PAK2: variants seen among roughly 807,000 people sequenced by gnomAD.
PAK2 encodes p21 (RAC1) activated kinase 2, also known as serine/threonine-protein kinase PAK 2.
Under a neutral mutation model 65.9 loss-of-function variants are expected in PAK2, and 21 were observed. That is an observed-to-expected ratio of 0.32 (90% CI 0.23 to 0.46). PAK2 has a LOEUF of 0.46. Among genes scored for constraint, PAK2 ranks in the 20% least tolerant of loss-of-function variants. PAK2 has a pLI of 1.00. For missense variants in PAK2, 324 were observed against 642.6 expected, an observed-to-expected ratio of 0.50 and a Z score of 5.36; for synonymous variants, 204 against 219.7, an observed-to-expected ratio of 0.93 and a Z score of 0.63.
At chr3:196,805,106 C>T (rs1337157403) in intron 4 of PAK2, among the ~76,000 whole-genome samples, 1 of 151,962 alleles carries the variant, frequency 6.6e-6, no homozygotes, top group Non-Finnish European at 1.5e-5. Flanking sequence ...CAATACAATT[C>T]ACCCATTTTA....
At chr3:196,771,080 G>A (rs1714345762) in intron 1 of PAK2, among the ~76,000 whole-genome samples, 1 of 151,534 alleles carries the variant, frequency 6.6e-6, no homozygotes, top group South Asian at 2.1e-4. Flanking sequence ...AAACTTAATT[G>A]ACTTTAAGAG....
intron 7 of PAK2, among the ~76,000 whole-genome samples, chr3:196,810,073 CAGAA>C (rs1168691945): frequency 6.6e-6 from 1 of 151,840 alleles, no homozygotes; most frequent in Non-Finnish European, 1.5e-5. Context: ...CTGGAAGAGT[CAGAA>C]AGACCATTTA....
At chr3:196,750,903 T>A (rs1713557387) in intron 1 of PAK2, among the ~76,000 whole-genome samples, 1 of 152,190 alleles carries the variant, frequency 6.6e-6, no homozygotes. Flanking sequence ...AATTACCATC[T>A]TAAACGTTCT....
chr3:196,812,690 C>T, intron 9 of PAK2, 49 bp from the exon 10 acceptor site: 1 of 837,814 alleles, frequency 1.2e-6, no homozygotes, highest in South Asian at 1.5e-5. Context: ...TTGTAATTTT[C>T]TAAGAGAATT....
At chr3:196,743,844 T>G (rs916305218) in intron 1 of PAK2, among the ~76,000 whole-genome samples, 1 of 152,200 alleles carries the variant, frequency 6.6e-6, no homozygotes, top group African/African-American at 2.4e-5. Flanking sequence ...ATTGCGCCAC[T>G]GCACTTCAGC....
At chr3:196,771,616 A>G (rs999761728) in intron 1 of PAK2, among the ~76,000 whole-genome samples, 2 of 151,948 alleles carry the variant, frequency 1.3e-5, no homozygotes, top group South Asian at 2.1e-4. Context: ...CTGGAGTACA[A>G]TGGTGCAGTC....
Position 196,780,699 on chromosome 3 carries a change from C to T in PAK2, c.-21-1927C>T, listed in dbSNP as rs141090479. Among the ~76,000 whole-genome samples the T allele has an allele frequency of 4.6e-3, 705 of 151,938 alleles. 10 individuals are homozygous for T. Among genetic ancestry groups the T allele is most frequent in the African/African-American group, 0.016 (649 of 41,408 alleles). ...AATGAAAAAATAATCATTTTGAGAGCGAAAATATACCATAGTGCTAGTGAC... is the reference window on the plus strand; with the variant it reads ...AATGAAAAAATAATCATTTTGAGAGTGAAAATATACCATAGTGCTAGTGAC... On this transcript the variant is annotated intron_variant, in intron 1 of 14. Transcript: ENST00000327134.
intron 11 of PAK2, among the ~76,000 whole-genome samples, chr3:196,814,967 C>G (rs1319016892): frequency 6.6e-6 from 1 of 150,964 alleles, no homozygotes; most frequent in Non-Finnish European, 1.5e-5. Flanking sequence ...ATCACAAGGT[C>G]AGGAGATCGA....
At chr3:196,809,343 A>T in intron 7 of PAK2, among the ~76,000 whole-genome samples, 1 of 116,442 alleles carries the variant, frequency 8.6e-6, no homozygotes, top group Admixed American at 1.2e-4. Flanking sequence ...TGTTATTATT[A>T]TTATCTTTTT....
chr3:196,789,332 T>TC (rs1714992333), intron 2 of PAK2, among the ~76,000 whole-genome samples: 1 of 152,182 alleles, frequency 6.6e-6, no homozygotes. Flanking sequence ...TGGTTATGAC[T>TC]TAGATCTGTA....
At chr3:196,740,594 CA>C (rs1291753525) in intron 1 of PAK2, among the ~76,000 whole-genome samples, 5 of 152,192 alleles carry the variant, frequency 3.3e-5, no homozygotes, top group African/African-American at 7.2e-5. Context: ...GCTCTCTGTT[CA>C]CCCGTTTCAC....
At chr3:196,796,565 A>C (rs755898265) in intron 2 of PAK2, among the ~76,000 whole-genome samples, 2 of 152,230 alleles carry the variant, frequency 1.3e-5, no homozygotes, top group Non-Finnish European at 2.9e-5. Flanking sequence ...GTACAATTTC[A>C]ACAGGTGAAC....
chr3:196,792,192 A>G (rs1413067047), intron 2 of PAK2, among the ~76,000 whole-genome samples: 1 of 152,208 alleles, frequency 6.6e-6, no homozygotes, highest in African/African-American at 2.4e-5. Context: ...AGTTTCCAAA[A>G]GTAGGATGCT....
At position 196,751,681 on chromosome 3, in the gene PAK2, A is replaced by T. The variant is rs1349414017; in HGVS notation, c.-22+11524A>T. Among the ~76,000 whole-genome samples the T allele has an allele frequency of 2.9e-4, 19 of 65,536 alleles. 3 individuals are homozygous for T. In the South Asian group the frequency reaches 7.5e-3, roughly 26 times the overall value. 43.0% of individuals were successfully genotyped at this position (65,536 alleles called of 152,430 possible). A position where few individuals can be genotyped will look rare whatever the true frequency, so the allele number is the denominator to read the frequency against. On this transcript the variant is annotated intron_variant, in intron 1 of 14. Coordinates refer to ENST00000327134, the MANE Select transcript of PAK2 (RefSeq NM_002577.4). ...CACAAATTTATTTATATACATATAT[A>T]TATATATATATATAATTCAGGCTAT...
chr3:196,827,096 G>T, intron 13 of PAK2, 100 bp from the exon 14 acceptor site: 4 of 646,830 alleles, frequency 6.2e-6, no homozygotes, highest in South Asian at 2.9e-5. Flanking sequence ...TATTTATGGT[G>T]ATTTTCTTTA....
At chr3:196,824,489 C>T (rs1344659120) in intron 13 of PAK2, among the ~76,000 whole-genome samples, 1 of 152,106 alleles carries the variant, frequency 6.6e-6, no homozygotes, top group Non-Finnish European at 1.5e-5. Flanking sequence ...ATGCATATTG[C>T]TTAGTGAAAG....
intron 2 of PAK2, among the ~76,000 whole-genome samples, chr3:196,797,262 C>T (rs576236858): frequency 2.0e-5 from 3 of 151,920 alleles, no homozygotes; most frequent in South Asian, 2.1e-4. Context: ...GTCAGGAGTT[C>T]GAGACCGGCC....
In PAK2 at chr3:196,782,847, C is replaced by G; in HGVS notation, c.187+14C>G. 1 of 1,576,780 alleles carries G rather than the reference C, an allele frequency of 6.3e-7. No homozygotes were observed. The highest frequency in any genetic ancestry group is 1.1e-5 in the South Asian group (1 of 88,034). ...GCACAGAGAAAGGTAAATAGCGCTT[C>G]TGGCTTTCAGAGTCTCAGCATTGGT... On this transcript the variant is annotated intron_variant, in intron 2 of 14. Transcript: ENST00000327134.
chr3:196,832,593 TA>T lies in PAK2; in HGVS notation c.*4189del, dbSNP rs925475620. 6.6e-6 allele frequency: 1 copy of T among 152,172 alleles called. No homozygotes were observed. The highest frequency in any genetic ancestry group is 2.4e-5 in the African/African-American group (1 of 41,470). The allele number at this position is 152,172 out of a possible 1,614,324, so 9.4% of individuals were successfully genotyped here. On this transcript the variant is annotated 3_prime_UTR_variant, in exon 15 of 15. Coordinates refer to ENST00000327134, the MANE Select transcript of PAK2 (RefSeq NM_002577.4). ...ATAAAAGAATATTTAAATGTCTTAA[TA>T]GGTTTTCAAAGAACATTTAGTATTT...
Sources: allele counts gnomAD v4.1 joint callset (sites outside exome capture counted in the v4.1 genomes callset), GRCh38; gene constraint gnomAD v4.1.1; transcripts MANE v1.5; gene names NCBI Gene and HGNC (gene_info 2026-07-23, HGNC 2026-07-21).